Variants in SYNE1 observed in about 807,000 individuals in gnomAD.
The protein encoded by SYNE1 is nesprin-1.
Under a neutral mutation model 1,111.0 loss-of-function variants are expected in SYNE1, and 616 were observed. The ratio of observed to expected loss-of-function variants is 0.55; its 90% CI spans 0.52 to 0.59. The LOEUF is 0.59. Ranked by LOEUF, SYNE1 falls within the 20% of genes least tolerant of loss-of-function variation. The pLI, the probability that SYNE1 is intolerant of heterozygous loss-of-function variation, is 0.00. For missense variants in SYNE1, 10,006 were observed against 10,417.0 expected (o/e 0.96, Z 1.72); for synonymous variants, 3,855 against 3,825.8 (o/e 1.01, Z -0.28).
chr6:152,421,641 G>T (rs1351620991), intron 39 of SYNE1, among the ~76,000 whole-genome samples: 1 of 151,562 alleles, frequency 6.6e-6, no homozygotes, highest in African/African-American at 2.4e-5. Flanking sequence ...CCAAACTAAG[G>T]TTTTCCAAAT....
intron 63 of SYNE1, among the ~76,000 whole-genome samples, chr6:152,364,525 T>C (rs2097017011): frequency 6.6e-6 from 1 of 151,894 alleles, no homozygotes; most frequent in African/African-American, 2.4e-5. Flanking sequence ...TATTACCACA[T>C]TGGCACAGTA....
At chr6:152,211,625 T>C in intron 123 of SYNE1, 37 bp from the exon 124 acceptor site, 1 of 1,567,570 alleles carries the variant, frequency 6.4e-7, no homozygotes, top group Non-Finnish European at 8.8e-7. Context: ...ACTTTAGAGT[T>C]CCTAATTTTA....
rs774093279 is a variant in SYNE1 at position 152,344,238 on chromosome 6, A to C, written c.12079-11T>G. 1 of 1,614,162 alleles carries C rather than the reference A, an allele frequency of 6.2e-7. No homozygotes were observed. Among genetic ancestry groups the C allele is most frequent in the South Asian group, 1.1e-5 (1 of 91,088 alleles). ...CAAACTCTGGTACATCTGAGACAAT[A>C]CAATCATGCTGAGATTATGAGAACT... is the stretch of plus-strand genomic sequence containing the variant. On this transcript the variant is annotated splice_polypyrimidine_tract_variant and intron_variant, in intron 73 of 145. Coordinates refer to ENST00000367255, the MANE Select transcript of SYNE1 (RefSeq NM_182961.4).
intron 90 of SYNE1, among the ~76,000 whole-genome samples, chr6:152,308,896 G>A (rs376955080): frequency 2.6e-5 from 4 of 152,224 alleles, no homozygotes; most frequent in Admixed American, 6.5e-5. Context: ...TACTGATATC[G>A]TCCTGAAGAT....
intron 102 of SYNE1, 61 bp downstream of exon 102, chr6:152,256,573 C>G: frequency 3.7e-6 from 6 of 1,607,052 alleles, no homozygotes; most frequent in Non-Finnish European, 4.3e-6. Flanking sequence ...CCAGGCAAAT[C>G]AATACAAGCA....
intron 5 of SYNE1, 113 bp from the exon 6 acceptor site, chr6:152,520,655 C>T: frequency 8.4e-7 from 1 of 1,190,520 alleles, no homozygotes; most frequent in Non-Finnish European, 1.2e-6. Flanking sequence ...TCAAAAGCAA[C>T]CAACATTGTT....
At chr6:152,206,668 A>C (rs1349789667) in intron 125 of SYNE1, among the ~76,000 whole-genome samples, 1 of 152,158 alleles carries the variant, frequency 6.6e-6, no homozygotes, top group South Asian at 2.1e-4. Flanking sequence ...AGGCTTCCTC[A>C]AAGCAGTAAA....
intron 98 of SYNE1, among the ~76,000 whole-genome samples, chr6:152,271,998 G>A (rs775633062): frequency 1.3e-4 from 20 of 152,202 alleles, no homozygotes; most frequent in Non-Finnish European, 2.6e-4. Context: ...GAGAGAGGTT[G>A]GCTCAAGTTC....
intron 125 of SYNE1, 82 bp downstream of exon 125, chr6:152,207,890 T>C: frequency 1.5e-6 from 2 of 1,327,258 alleles, no homozygotes; most frequent in Non-Finnish European, 1.1e-6. Flanking sequence ...CACTCTAGAG[T>C]CCTTTTGAAA....
intron 42 of SYNE1, among the ~76,000 whole-genome samples, chr6:152,410,901 T>C (rs556960274): frequency 6.6e-6 from 1 of 152,184 alleles, no homozygotes; most frequent in Non-Finnish European, 1.5e-5. Flanking sequence ...TAAAAACAGG[T>C]CAATAATTAA....
At chr6:152,516,330 A>G (rs1195401498) in intron 6 of SYNE1, among the ~76,000 whole-genome samples, 3 of 152,260 alleles carry the variant, frequency 2.0e-5, no homozygotes, top group Non-Finnish European at 1.5e-5. Context: ...TTTGGTGCTT[A>G]GCAAATATAT....
intron 64 of SYNE1, 132 bp downstream of exon 64, chr6:152,362,038 T>C (rs2096940655): frequency 8.1e-7 from 1 of 1,239,036 alleles, no homozygotes; most frequent in Admixed American, 2.0e-5. Flanking sequence ...CTTTAGAGAT[T>C]ATACTAAAAG....
intron 138 of SYNE1, among the ~76,000 whole-genome samples, chr6:152,143,082 G>A (rs545120044): frequency 1.4e-4 from 22 of 152,256 alleles, no homozygotes; most frequent in African/African-American, 5.3e-4. Context: ...GCCAATAGCC[G>A]CATAGATAGA....
Position 152,171,110 on chromosome 6 carries a change from AC to A in SYNE1, c.23627+5283del, listed in dbSNP as rs2065100644. On this transcript the variant is annotated intron_variant, in intron 130 of 145. Transcript: ENST00000367255. ...TTAAACATGTTTTTCTTTATAAATC[AC>A]CCAGTCTCGAGTTGTCTTTATCAGC... Among the ~76,000 whole-genome samples, 4 of 152,270 alleles carry A rather than the reference AC, an allele frequency of 2.6e-5. No individual in the cohort carries two copies. The South Asian group carries it at 8.3e-4, about 32-fold the overall frequency.
At chr6:152,381,684 G>A (rs1282009348) in intron 55 of SYNE1, 2 of 401,504 alleles carry the variant, frequency 5.0e-6, no homozygotes, top group Non-Finnish European at 9.4e-6. Flanking sequence ...GATTGCTCCT[G>A]TGAATGATTA....
chr6:152,162,377 C>A (rs2062697355), intron 131 of SYNE1, among the ~76,000 whole-genome samples: 1 of 152,184 alleles, frequency 6.6e-6, no homozygotes, highest in Non-Finnish European at 1.5e-5. Flanking sequence ...GTGGTTTTAA[C>A]CTTTTTCCCT....
At chr6:152,337,200 ATT>A (rs67742986) in intron 75 of SYNE1, among the ~76,000 whole-genome samples, 183 bp from the exon 76 acceptor site, 3 of 151,450 alleles carry the variant, frequency 2.0e-5, no homozygotes, top group Non-Finnish European at 3.0e-5. Flanking sequence ...GGAAAAGCAG[ATT>A]TTTTTTAAAA....
intron 100 of SYNE1, among the ~76,000 whole-genome samples, chr6:152,263,388 C>CTTAG (rs1193166694): frequency 2.0e-5 from 3 of 151,778 alleles, no homozygotes; most frequent in Non-Finnish European, 1.5e-5. Context: ...TGGTATGGCT[C>CTTAG]TTATTTATTT....
intron 56 of SYNE1, among the ~76,000 whole-genome samples, chr6:152,378,722 A>G (rs2097339627): frequency 6.6e-6 from 1 of 152,074 alleles, no homozygotes; most frequent in African/African-American, 2.4e-5. Flanking sequence ...AACTCAAATA[A>G]CAACTCCTTT....
Sources: allele counts gnomAD v4.1 joint callset (sites outside exome capture counted in the v4.1 genomes callset), GRCh38; gene constraint gnomAD v4.1.1; transcripts MANE v1.5; gene names NCBI Gene and HGNC (gene_info 2026-07-23, HGNC 2026-07-21).